Variants in POFUT1 observed in about 807,000 individuals in gnomAD.
The protein encoded by POFUT1 is protein O-fucosyltransferase 1, also known as GDP-fucose protein O-fucosyltransferase 1.
Under a neutral mutation model 42.4 loss-of-function variants are expected in POFUT1, and 16 were observed. The ratio of observed to expected loss-of-function variants is 0.38; its 90% confidence interval spans 0.26 to 0.57. POFUT1 has a LOEUF of 0.57. POFUT1 is among the 20% of genes least tolerant of loss of function. The probability of loss-of-function intolerance (pLI) is 0.71; values close to 1 mark genes in which losing one functional copy is unlikely to be tolerated. For missense variants in POFUT1, 470 were observed against 504.6 expected, an observed-to-expected ratio of 0.93 and a Z score of 0.66; for synonymous variants, 206 against 205.4, an observed-to-expected ratio of 1.00 and a Z score of -0.03.
At chr20:32,223,061 A>T (rs2047398528) in intron 4 of POFUT1, 2 of 985,432 alleles carry the variant, frequency 2.0e-6, no homozygotes, top group South Asian at 4.7e-5. Flanking sequence ...GGTCCCACAG[A>T]TACATACTGG....
intron 5 of POFUT1, among the ~76,000 whole-genome samples, chr20:32,230,029 C>T (rs1176488194): frequency 1.3e-5 from 2 of 152,058 alleles, no homozygotes; most frequent in African/African-American, 2.4e-5. Flanking sequence ...CAGCCTGCCT[C>T]GGCCTCCCAA....
At chr20:32,223,603 A>G (rs1273802315) in intron 4 of POFUT1, 1 of 985,304 alleles carries the variant, frequency 1.0e-6, no homozygotes, top group African/African-American at 1.7e-5. Flanking sequence ...AGCATCTGAA[A>G]GATTAGCTGA....
chr20:32,215,187 C>T, intron 2 of POFUT1, 82 bp from the exon 3 acceptor site: 1 of 1,109,630 alleles, frequency 9.0e-7, no homozygotes, highest in Non-Finnish European at 1.3e-6. Context: ...CTGCACCTGG[C>T]CTGGAGTGTA....
intron 6 of POFUT1, 84 bp from the exon 7 acceptor site, chr20:32,234,389 C>T (rs2047458292): frequency 2.3e-5 from 29 of 1,249,514 alleles, no homozygotes; most frequent in South Asian, 2.1e-4. Context: ...GTAACTGCAG[C>T]TCAGGGAATA....
At chr20:32,227,702 G>GCAGA (rs1474745912) in intron 4 of POFUT1, among the ~76,000 whole-genome samples, 1 of 152,200 alleles carries the variant, frequency 6.6e-6, no homozygotes, top group Admixed American at 6.5e-5. Flanking sequence ...AGGGGCACCT[G>GCAGA]CAGACCCCTG....
intron 4 of POFUT1, among the ~76,000 whole-genome samples, chr20:32,225,311 C>T (rs915454286): frequency 5.9e-5 from 9 of 151,970 alleles, no homozygotes; most frequent in Admixed American, 2.0e-4. Flanking sequence ...CCTCAGCCTC[C>T]CAAGTAGCTG....
At chr20:32,228,530 C>A in intron 5 of POFUT1, 75 bp downstream of exon 5, 1 of 1,290,566 alleles carries the variant, frequency 7.7e-7, no homozygotes, top group Non-Finnish European at 1.1e-6. Context: ...TAGGGATCGG[C>A]CCCGCGTCCC....
chr20:32,225,840 G>A (rs978762408), intron 4 of POFUT1, among the ~76,000 whole-genome samples: 2 of 152,146 alleles, frequency 1.3e-5, no homozygotes, highest in Non-Finnish European at 2.9e-5. Flanking sequence ...TATGATGTGG[G>A]AACTGTTATC....
In POFUT1 at chr20:32,235,808, C is replaced by T. The variant is rs1429141333; in HGVS notation, c.*1147C>T. 6.6e-6 allele frequency: 1 copy of T among 152,192 alleles called. No individual in the cohort carries two copies. Among genetic ancestry groups the T allele is most frequent in the Admixed American group, 6.5e-5 (1 of 15,278 alleles). 9.4% of individuals were successfully genotyped at this position (152,192 alleles called of 1,614,324 possible). ...TTTTGACCTTGTGGTTCTAAAATTC[C>T]TTGTCTGACCCCTGTAGATCTTTTC... On this transcript the variant is annotated 3_prime_UTR_variant, in exon 7 of 7. Transcript: ENST00000375749.
chr20:32,210,191 A>G lies in POFUT1; in HGVS notation c.245A>G (p.Asn82Ser), dbSNP rs745942782. 1 of 1,613,982 alleles carries G rather than the reference A, an allele frequency of 6.2e-7. No homozygotes were observed. Among genetic ancestry groups the G allele is most frequent in the East Asian group, 2.2e-5 (1 of 44,878 alleles). The change falls in exon 2 of 7, where the codon AAC becomes AGC. Residue 82 changes from asparagine to serine, a missense_variant and splice_region_variant. Asn to Ser is a conservative substitution (Grantham distance 46, BLOSUM62 1). Coordinates refer to ENST00000375749, the MANE Select transcript of POFUT1 (RefSeq NM_015352.2). ...CAGCATCACAAGCCTCCTTTCACCA[A>G]CGTGAGTACTTCCCACTGACCTTGG... ...EYQHHKPPFT[N>S]LHVSYQKYFK...
In POFUT1 at chr20:32,234,661, A is replaced by G; in HGVS notation, c.1167A>G (p.Ter389TrpextTer9). The G allele has an allele frequency of 6.2e-7, 1 of 1,601,286 alleles. No homozygotes were observed. Among genetic ancestry groups the G allele is most frequent in the South Asian group, 1.1e-5 (1 of 89,500 alleles). Residue 389 changes from the stop codon to tryptophan, a stop_lost, in exon 7 of 7, where the codon TGA becomes TGG. Coordinates refer to ENST00000375749, the MANE Select transcript of POFUT1 (RefSeq NM_015352.2). ...DRPPKLRDEF[*>W] ...CCCCTAAGCTGCGGGACGAGTTCTG[A>G]TTCTGGCCGGAGCACCAGACCCTCT...
chr20:32,211,122 T>G (rs1311020205), intron 2 of POFUT1, among the ~76,000 whole-genome samples: 1 of 152,186 alleles, frequency 6.6e-6, no homozygotes, highest in Non-Finnish European at 1.5e-5. Context: ...CTTGTTACCC[T>G]CTTGTGGTAA....
chr20:32,228,497 T>A (rs1324430695), intron 5 of POFUT1, 42 bp downstream of exon 5: 1 of 1,566,120 alleles, frequency 6.4e-7, no homozygotes, highest in Non-Finnish European at 8.8e-7. Flanking sequence ...CTTGGATGTG[T>A]CCCTGAGCAT....
At chr20:32,216,206 G>C (rs2047359392) in intron 3 of POFUT1, among the ~76,000 whole-genome samples, 1 of 152,196 alleles carries the variant, frequency 6.6e-6, no homozygotes, top group Non-Finnish European at 1.5e-5. Context: ...GCCCTTACTG[G>C]CTGTGTAACC....
At position 32,223,071 on chromosome 20, in the gene POFUT1, G is replaced by A. The variant is rs942040211; in HGVS notation, c.543-5192G>A. On this transcript the variant is annotated intron_variant, in intron 4 of 6. Coordinates refer to ENST00000375749, the MANE Select transcript of POFUT1 (RefSeq NM_015352.2). ...CTGGTGGTCCCACAGATACATACTG[G>A]ACACATAAATGGATGCTGTATACAG... 5 of 985,262 alleles carry A rather than the reference G, an allele frequency of 5.1e-6. No homozygotes were observed. The African/African-American group carries it at 8.7e-5, about 17-fold the overall frequency. The allele number at this position is 985,262 out of a possible 1,614,324, so 61.0% of individuals were successfully genotyped here.
intron 2 of POFUT1, among the ~76,000 whole-genome samples, chr20:32,211,362 C>T (rs890862761): frequency 2.0e-5 from 3 of 151,952 alleles, no homozygotes; most frequent in Non-Finnish European, 4.4e-5. Context: ...CAACTTCTGC[C>T]TCCCGGGTTC....
intron 4 of POFUT1, among the ~76,000 whole-genome samples, chr20:32,226,069 G>A (rs1248522246): frequency 6.6e-6 from 1 of 152,194 alleles, no homozygotes. Context: ...TGGGAAGGAT[G>A]ATGGCAGGAT....
intron 5 of POFUT1, among the ~76,000 whole-genome samples, chr20:32,229,523 C>T (rs1600393705): frequency 6.6e-6 from 1 of 152,116 alleles, no homozygotes; most frequent in African/African-American, 2.4e-5. Flanking sequence ...AGAATGGACC[C>T]ACCTTAACTT....
chr20:32,223,347 A>C (rs936461213), intron 4 of POFUT1: 2 of 985,242 alleles, frequency 2.0e-6, no homozygotes, highest in African/African-American at 3.5e-5. Flanking sequence ...AAGTGAGCAG[A>C]TCAGCCTTAG....
Sources: gnomAD v4.1 joint callset for allele counts (sites outside exome capture counted in the v4.1 genomes callset) on GRCh38, gnomAD v4.1.1 for gene constraint, MANE v1.5 for transcripts, NCBI Gene and HGNC (gene_info 2026-07-23, HGNC 2026-07-21) for gene names.